The following AP1S3 variants were observed in gnomAD, a reference collection of about 807,000 sequenced individuals.
AP1S3 encodes the protein AP-1 complex subunit sigma-3.
Under a neutral mutation model 20.9 loss-of-function variants are expected in AP1S3, and 10 were observed. That is an observed-to-expected ratio of 0.48 (90% CI 0.29 to 0.81). The LOEUF (loss-of-function observed/expected upper bound fraction) is 0.81, where lower values mean the gene tolerates loss of function less well. Ranked by LOEUF, AP1S3 falls within the 30% of genes least tolerant of loss-of-function variation. AP1S3 has a pLI of 0.08. For synonymous variants in AP1S3, 41 were observed against 61.5 expected (o/e 0.67, Z 1.56); for missense variants, 154 against 183.8 (o/e 0.84, Z 0.94).
Position 223,798,709 on chromosome 2 carries a change from A to C in AP1S3, c.4-20840T>G, listed in dbSNP as rs1251477793. Reference sequence around the variant, plus strand: ...GAATAATCCACTTGCTATGAATTGAATTGTGTCCCCTAAATTCATATGTTA... The same window carrying C: ...GAATAATCCACTTGCTATGAATTGACTTGTGTCCCCTAAATTCATATGTTA... On this transcript the variant is annotated intron_variant, in intron 1 of 4. Transcript: ENST00000396654. Among the ~76,000 whole-genome samples the C allele has an allele frequency of 9.9e-5, 15 of 152,208 alleles. 1 individual carries two copies. The highest frequency in any genetic ancestry group is 9.8e-4 in the Admixed American group (15 of 15,278).
chr2:223,826,234 A>G (rs1375032889), intron 1 of AP1S3, among the ~76,000 whole-genome samples: 1 of 152,166 alleles, frequency 6.6e-6, no homozygotes, highest in African/African-American at 2.4e-5. Flanking sequence ...CCAAGGAGAA[A>G]AAGACTGGAA....
At chr2:223,805,386 T>C (rs1326132919) in intron 1 of AP1S3, among the ~76,000 whole-genome samples, 3 of 152,098 alleles carry the variant, frequency 2.0e-5, no homozygotes, top group Non-Finnish European at 1.5e-5. Flanking sequence ...GGGGTTGCAG[T>C]GAGCCAAGAT....
intron 1 of AP1S3, among the ~76,000 whole-genome samples, chr2:223,801,641 A>G (rs1691468054): frequency 6.6e-6 from 1 of 152,006 alleles, no homozygotes; most frequent in Admixed American, 6.6e-5. Flanking sequence ...GTGGGGTTTC[A>G]CCATGTTGGC....
chr2:223,806,432 C>T (rs1488642983), intron 1 of AP1S3, among the ~76,000 whole-genome samples: 4 of 151,804 alleles, frequency 2.6e-5, no homozygotes, highest in Non-Finnish European at 5.9e-5. Flanking sequence ...TACAGGCGCT[C>T]GCCACCACGC....
At chr2:223,774,222 G>A (rs529147850) in intron 3 of AP1S3, among the ~76,000 whole-genome samples, 20 of 152,200 alleles carry the variant, frequency 1.3e-4, no homozygotes, top group Non-Finnish European at 1.8e-4. Flanking sequence ...AAAATGAGCC[G>A]GGCATGGTGG....
intron 1 of AP1S3, among the ~76,000 whole-genome samples, chr2:223,819,059 T>C (rs1691923490): frequency 6.6e-6 from 1 of 152,170 alleles, no homozygotes; most frequent in Admixed American, 6.5e-5. Context: ...TTTCAGGGCC[T>C]TTTTCTACAC....
At chr2:223,783,608 C>T (rs1293257281) in intron 1 of AP1S3, among the ~76,000 whole-genome samples, 3 of 152,188 alleles carry the variant, frequency 2.0e-5, no homozygotes, top group East Asian at 1.9e-4. Flanking sequence ...GCGCCCTGGC[C>T]GGTGTCCGCA....
intron 1 of AP1S3, among the ~76,000 whole-genome samples, chr2:223,832,205 T>A (rs1242149772): frequency 6.6e-6 from 1 of 150,512 alleles, no homozygotes; most frequent in East Asian, 2.0e-4. Context: ...AGTAATTTTA[T>A]CATTATGTCT....
At chr2:223,830,728 A>G (rs1442534687) in intron 1 of AP1S3, among the ~76,000 whole-genome samples, 2 of 152,184 alleles carry the variant, frequency 1.3e-5, no homozygotes, top group South Asian at 4.1e-4. Context: ...CTGTTAGAGA[A>G]GATCCAACAA....
intron 2 of AP1S3, 24 bp from the exon 3 acceptor site, chr2:223,776,033 C>G (rs1481295632): frequency 1.9e-6 from 3 of 1,576,380 alleles, no homozygotes; most frequent in African/African-American, 2.7e-5. Context: ...ATAACAAAAG[C>G]AAAATATGAC....
intron 1 of AP1S3, among the ~76,000 whole-genome samples, chr2:223,812,304 C>A (rs1402311966): frequency 6.6e-6 from 1 of 152,208 alleles, no homozygotes; most frequent in African/African-American, 2.4e-5. Context: ...TCACTGCAAC[C>A]TCCACCTCCT....
Position 223,757,064 on chromosome 2 carries a change from A to T in AP1S3, c.*1651T>A. ...GAGTGCACTGGTATGACCTTGGCTCACTGCAACCTCTGCCTCCTGGGTTCA... is the reference window on the plus strand; with the variant it reads ...GAGTGCACTGGTATGACCTTGGCTCTCTGCAACCTCTGCCTCCTGGGTTCA... On this transcript the variant is annotated 3_prime_UTR_variant, in exon 5 of 5. Coordinates refer to ENST00000396654, the MANE Select transcript of AP1S3 (RefSeq NM_001039569.2). The T allele has an allele frequency of 5.5e-6, 5 of 904,296 alleles. No individual in the cohort carries two copies. Among genetic ancestry groups the T allele is most frequent in the Non-Finnish European group, 6.6e-6 (5 of 759,734 alleles). The allele number at this position is 904,296 out of a possible 1,614,324, so 56.0% of individuals were successfully genotyped here.
intron 3 of AP1S3, among the ~76,000 whole-genome samples, chr2:223,771,678 A>G (rs1441522012): frequency 6.6e-6 from 1 of 152,236 alleles, no homozygotes; most frequent in Non-Finnish European, 1.5e-5. Context: ...CACCAACTGA[A>G]TCCTTTTGGA....
intron 2 of AP1S3, among the ~76,000 whole-genome samples, chr2:223,777,341 G>GAATCGCTTGAAC (rs1690807832): frequency 6.6e-6 from 1 of 152,130 alleles, no homozygotes; most frequent in African/African-American, 2.4e-5. Flanking sequence ...GTTGCAGTGA[G>GAATCGCTTGAAC]CCAAGATCAC....
In AP1S3 at chr2:223,756,369, G is replaced by C; in HGVS notation, c.*2346C>G. 3.1e-6 allele frequency: 1 copy of C among 317,614 alleles called. No individual in the cohort carries two copies. The highest frequency in any genetic ancestry group is 4.4e-6 in the Non-Finnish European group (1 of 227,884). The allele number at this position is 317,614 out of a possible 1,614,324, so 19.7% of individuals were successfully genotyped here. On this transcript the variant is annotated 3_prime_UTR_variant, in exon 5 of 5. Coordinates refer to ENST00000396654, the MANE Select transcript of AP1S3 (RefSeq NM_001039569.2). ...AAAGAAAAGAAAAGAGAAAAAGAAA[G>C]AAAGAAAGGAGGGAGGGAGGAAGGG...
At chr2:223,808,142 TACAA>T (rs763177881) in intron 1 of AP1S3, among the ~76,000 whole-genome samples, 17 of 152,228 alleles carry the variant, frequency 1.1e-4, no homozygotes, top group Non-Finnish European at 2.4e-4. Context: ...AATGGATTTA[TACAA>T]ACAGTGAACA....
Position 223,758,054 on chromosome 2 carries a change from T to C in AP1S3, c.*661A>G. On this transcript the variant is annotated 3_prime_UTR_variant, in exon 5 of 5. Coordinates refer to ENST00000396654, the MANE Select transcript of AP1S3 (RefSeq NM_001039569.2). ...CCCTTATATTCAATTAAAAGATAAATTAAAACCTCAGTCAAGATAGCAGCT... is the reference window on the plus strand; with the variant it reads ...CCCTTATATTCAATTAAAAGATAAACTAAAACCTCAGTCAAGATAGCAGCT... The C allele has an allele frequency of 1.0e-6, 1 of 982,102 alleles. No homozygotes were observed. The highest frequency in any genetic ancestry group is 1.2e-6 in the Non-Finnish European group (1 of 826,824). 60.8% of individuals were successfully genotyped at this position (982,102 alleles called of 1,614,324 possible).
At chr2:223,828,007 C>T (rs1035937326) in intron 1 of AP1S3, among the ~76,000 whole-genome samples, 7 of 134,072 alleles carry the variant, frequency 5.2e-5, no homozygotes, top group African/African-American at 1.7e-4. Context: ...TGCAGTGAGC[C>T]AAGATCGTGT....
At chr2:223,800,834 T>C (rs1691451280) in intron 1 of AP1S3, among the ~76,000 whole-genome samples, 1 of 152,042 alleles carries the variant, frequency 6.6e-6, no homozygotes, top group African/African-American at 2.4e-5. Flanking sequence ...TCCTAGCTAA[T>C]GCAATAGGAC....
Sources: allele counts gnomAD v4.1 joint callset (sites outside exome capture counted in the v4.1 genomes callset), GRCh38; gene constraint gnomAD v4.1.1; transcripts MANE v1.5; gene names NCBI Gene and HGNC (gene_info 2026-07-23, HGNC 2026-07-21).